Variants in SLC25A12 observed in about 807,000 individuals in gnomAD.
The protein encoded by SLC25A12 is solute carrier family 25 member 12.
SLC25A12 carries 32 observed loss-of-function variants against 83.3 expected under a neutral mutation model. The observed-to-expected ratio is 0.38, with a 90% CI of 0.29 to 0.52. The LOEUF (loss-of-function observed/expected upper bound fraction) is 0.52. SLC25A12 is among the 20% of genes least tolerant of loss of function. SLC25A12 has a pLI of 0.84. For synonymous variants in SLC25A12, 267 were observed against 291.1 expected, an observed-to-expected ratio of 0.92 and a Z score of 0.84; for missense variants, 611 against 835.6, an observed-to-expected ratio of 0.73 and a Z score of 3.31.
At chr2:171,893,410 T>C (rs1181430959) in intron 1 of SLC25A12, 152 bp from the exon 2 acceptor site, 2 of 740,870 alleles carry the variant, frequency 2.7e-6, no homozygotes, top group Admixed American at 2.3e-5. Context: ...TGATAAGAAC[T>C]GTCAAACTGG....
At chr2:171,890,924 A>C (rs1685920554) in intron 2 of SLC25A12, among the ~76,000 whole-genome samples, 1 of 152,222 alleles carries the variant, frequency 6.6e-6, no homozygotes, top group African/African-American at 2.4e-5. Flanking sequence ...ACAAATTTTC[A>C]ACATAAAAAT....
intron 14 of SLC25A12, 68 bp from the exon 15 acceptor site, chr2:171,791,657 TG>T: frequency 6.9e-7 from 1 of 1,454,526 alleles, no homozygotes; most frequent in South Asian, 1.1e-5. Flanking sequence ...ATGGGATCCA[TG>T]TGACATTTGT....
At chr2:171,796,148 T>C (rs1683593034) in intron 13 of SLC25A12, among the ~76,000 whole-genome samples, 1 of 152,188 alleles carries the variant, frequency 6.6e-6, no homozygotes, top group African/African-American at 2.4e-5. Context: ...GGTCTTACCA[T>C]GTTGCCCAGG....
intron 9 of SLC25A12, among the ~76,000 whole-genome samples, chr2:171,824,692 AT>A (rs771039730): frequency 1.3e-5 from 2 of 151,854 alleles, no homozygotes; most frequent in Admixed American, 6.5e-5. Flanking sequence ...AATTTTTCAC[AT>A]TCTTTCCTTT....
At chr2:171,872,500 C>A (rs1053748039) in intron 2 of SLC25A12, among the ~76,000 whole-genome samples, 1 of 151,956 alleles carries the variant, frequency 6.6e-6, no homozygotes, top group African/African-American at 2.4e-5. Context: ...ACCGCTGCAA[C>A]TGGAAAGAAG....
intron 8 of SLC25A12, 122 bp downstream of exon 8, chr2:171,833,841 G>T: frequency 1.5e-6 from 1 of 647,896 alleles, no homozygotes; most frequent in Non-Finnish European, 2.8e-6. Context: ...TTTATATTCT[G>T]AATATAAACT....
intron 2 of SLC25A12, among the ~76,000 whole-genome samples, chr2:171,883,126 G>A (rs1685732036): frequency 6.6e-6 from 1 of 152,136 alleles, no homozygotes; most frequent in Non-Finnish European, 1.5e-5. Context: ...TTAGTCTCTT[G>A]ACTAGGTCCA....
intron 9 of SLC25A12, among the ~76,000 whole-genome samples, chr2:171,824,795 G>A (rs147132653): frequency 1.2e-3 from 184 of 151,580 alleles, no homozygotes; most frequent in African/African-American, 4.2e-3. Flanking sequence ...ACCTCCTAAT[G>A]GAAATAAACT....
At chr2:171,837,742 G>A (rs540556998) in intron 5 of SLC25A12, among the ~76,000 whole-genome samples, 1 of 152,190 alleles carries the variant, frequency 6.6e-6, no homozygotes, top group Admixed American at 6.5e-5. Context: ...TTCTATAAAT[G>A]AATTAGAGAC....
chr2:171,826,471 G>A (rs1684301937), intron 9 of SLC25A12, among the ~76,000 whole-genome samples: 1 of 152,132 alleles, frequency 6.6e-6, no homozygotes, highest in African/African-American at 2.4e-5. Context: ...AGCCAGTTGT[G>A]GTGGTGCACG....
intron 14 of SLC25A12, among the ~76,000 whole-genome samples, chr2:171,793,184 C>T (rs1487259624): frequency 6.6e-6 from 1 of 151,378 alleles, no homozygotes; most frequent in Non-Finnish European, 1.5e-5. Flanking sequence ...TTCTTAAAGA[C>T]CTGAATCCTA....
At chr2:171,791,358 T>C in intron 15 of SLC25A12, 93 bp downstream of exon 15, 8 of 1,096,922 alleles carry the variant, frequency 7.3e-6, no homozygotes, top group Non-Finnish European at 9.8e-6. Flanking sequence ...CAAACAATAA[T>C]ACTTCCAGAA....
intron 9 of SLC25A12, 135 bp from the exon 10 acceptor site, chr2:171,815,337 AAAAG>A (rs2105865213): frequency 3.0e-6 from 2 of 671,074 alleles, no homozygotes; most frequent in East Asian, 5.7e-5. Flanking sequence ...TATCTTTTCT[AAAAG>A]AAGAAAATAG....
intron 13 of SLC25A12, among the ~76,000 whole-genome samples, chr2:171,794,932 C>T (rs1383167097): frequency 6.6e-6 from 1 of 152,184 alleles, no homozygotes; most frequent in East Asian, 1.9e-4. Context: ...AACCTTTGCC[C>T]ACATTCCTGC....
At chr2:171,866,767 A>AG (rs1685326484) in intron 3 of SLC25A12, among the ~76,000 whole-genome samples, 1 of 97,040 alleles carries the variant, frequency 1.0e-5, no homozygotes, top group South Asian at 3.8e-4. Flanking sequence ...TGGGGGGCTG[A>AG]CCCCCCCCAC....
At chr2:171,836,960 G>GCACA (rs3836020) in intron 6 of SLC25A12, among the ~76,000 whole-genome samples, 161 bp downstream of exon 6, 44 of 146,548 alleles carry the variant, frequency 3.0e-4, no homozygotes, top group African/African-American at 6.8e-4. Flanking sequence ...ACACACACAT[G>GCACA]CACACACACA....
At chr2:171,825,010 T>C (rs1358929467) in intron 9 of SLC25A12, among the ~76,000 whole-genome samples, 1 of 152,084 alleles carries the variant, frequency 6.6e-6, no homozygotes, top group Non-Finnish European at 1.5e-5. Context: ...GGTTTTGCCA[T>C]GTTGCCCAGG....
At chr2:171,891,376 C>T (rs1204547495) in intron 2 of SLC25A12, among the ~76,000 whole-genome samples, 1 of 152,102 alleles carries the variant, frequency 6.6e-6, no homozygotes, top group African/African-American at 2.4e-5. Context: ...CCTCTACCCC[C>T]ACTCAAAAAC....
At chr2:171,816,143 G>A (rs746921312) in intron 9 of SLC25A12, among the ~76,000 whole-genome samples, 4 of 139,114 alleles carry the variant, frequency 2.9e-5, no homozygotes, top group South Asian at 2.3e-4. Context: ...ATGGCTCACC[G>A]CAGCCTCAAA....
Sources: allele counts gnomAD v4.1 joint callset (sites outside exome capture counted in the v4.1 genomes callset), GRCh38; gene constraint gnomAD v4.1.1; transcripts MANE v1.5; gene names NCBI Gene and HGNC (gene_info 2026-07-23, HGNC 2026-07-21).